SP100: variants seen among roughly 807,000 people sequenced by gnomAD.
SP100 encodes the protein SP100 nuclear body protein.
In SP100, 84 loss-of-function variants were observed where a neutral mutation model predicts 130.0. The observed-to-expected ratio is 0.65, with a 90% CI of 0.54 to 0.77. The LOEUF (loss-of-function observed/expected upper bound fraction) is 0.77. SP100 is among the 30% of genes least tolerant of loss of function. SP100 has a pLI of 0.00. For missense variants in SP100, 978 were observed against 1,052.2 expected, an observed-to-expected ratio of 0.93 and a Z score of 0.97; for synonymous variants, 331 against 351.7, an observed-to-expected ratio of 0.94 and a Z score of 0.66.
intron 8 of SP100, among the ~76,000 whole-genome samples, chr2:230,457,798 G>A (rs2064359763): frequency 6.6e-6 from 1 of 152,108 alleles, no homozygotes. Context: ...GGGATGGAGG[G>A]CTGGAGAGTC....
intron 2 of SP100, among the ~76,000 whole-genome samples, chr2:230,426,113 GT>G (rs1305090301): frequency 6.6e-6 from 1 of 152,028 alleles, no homozygotes; most frequent in Non-Finnish European, 1.5e-5. Flanking sequence ...TCATTTATAA[GT>G]TTATTTATTT....
chr2:230,449,763 G>C, intron 7 of SP100, 53 bp downstream of exon 7: 1 of 1,592,714 alleles, frequency 6.3e-7, no homozygotes, highest in Non-Finnish European at 8.6e-7. Flanking sequence ...GCCCTGGCTG[G>C]TGGCAGAGGA....
At chr2:230,419,973 A>C (rs1185672553) in intron 2 of SP100, among the ~76,000 whole-genome samples, 1 of 152,204 alleles carries the variant, frequency 6.6e-6, no homozygotes, top group Non-Finnish European at 1.5e-5. Context: ...AACCTACCTT[A>C]CTGGGATTGA....
chr2:230,434,354 G>A lies in SP100; in HGVS notation c.108-8583G>A, dbSNP rs1260323458. 4.6e-5 allele frequency among the ~76,000 whole-genome samples: 7 copies of A among 151,986 alleles called. No individual in the cohort carries two copies. The East Asian group carries it at 1.2e-3, about 25-fold the overall frequency. On this transcript the variant is annotated intron_variant, in intron 2 of 28. Coordinates refer to ENST00000340126, the MANE Select transcript of SP100 (RefSeq NM_001080391.2). ...TGAGGAGTATGTGTTATTGTTGAGG[G>A]GTTTTTGCTGGTAAAAACAATGCTT...
chr2:230,472,183 C>G (rs528990256), intron 15 of SP100, among the ~76,000 whole-genome samples: 58 of 152,216 alleles, frequency 3.8e-4, no homozygotes, highest in African/African-American at 1.4e-3. Flanking sequence ...AATCCCAGCA[C>G]TTTGGGAGGC....
chr2:230,445,898 C>G (rs2063691397), intron 4 of SP100, among the ~76,000 whole-genome samples: 1 of 152,064 alleles, frequency 6.6e-6, no homozygotes, highest in Non-Finnish European at 1.5e-5. Flanking sequence ...TGACCTGGGA[C>G]AGCACCACCC....
intron 24 of SP100, chr2:230,538,972 G>T: frequency 3.9e-6 from 1 of 254,650 alleles, no homozygotes. Context: ...TCTGGGCCAG[G>T]TTTTCCCAGC....
chr2:230,473,148 A>T, intron 15 of SP100, 176 bp from the exon 16 acceptor site: 1 of 496,948 alleles, frequency 2.0e-6, no homozygotes, highest in East Asian at 3.2e-5. Flanking sequence ...TCTCAGGGTT[A>T]TTTATGAACA....
intron 17 of SP100, among the ~76,000 whole-genome samples, chr2:230,487,403 TC>T (rs1575721656): frequency 6.6e-6 from 1 of 152,234 alleles, no homozygotes. Context: ...TAGCCAGTTT[TC>T]CCAACACCAT....
chr2:230,448,290 G>A (rs1230926397), intron 5 of SP100, among the ~76,000 whole-genome samples: 1 of 152,058 alleles, frequency 6.6e-6, no homozygotes, highest in African/African-American at 2.4e-5. Context: ...CGTGAAAAGG[G>A]GTAAAAGACA....
intron 24 of SP100, among the ~76,000 whole-genome samples, chr2:230,525,136 T>C (rs776149322): frequency 2.5e-4 from 38 of 152,302 alleles, no homozygotes; most frequent in Middle Eastern, 3.4e-3. Context: ...GGTAAATTTT[T>C]GTCCTAAAGT....
intron 23 of SP100, 61 bp from the exon 24 acceptor site, chr2:230,511,064 A>G: frequency 1.8e-6 from 2 of 1,112,478 alleles, no homozygotes; most frequent in Non-Finnish European, 2.8e-6. Flanking sequence ...GTCTGTTCAA[A>G]TGTGGGGTTA....
At chr2:230,502,992 T>G in intron 19 of SP100, 74 bp from the exon 20 acceptor site, 8 of 1,183,336 alleles carry the variant, frequency 6.8e-6, no homozygotes, top group Non-Finnish European at 9.8e-6. Context: ...AAAGTTGCAT[T>G]TGAATGGTGG....
chr2:230,526,630 A>G (rs1691441276), intron 24 of SP100, among the ~76,000 whole-genome samples: 2 of 152,234 alleles, frequency 1.3e-5, no homozygotes, highest in African/African-American at 4.8e-5. Context: ...CTAAAAGGTC[A>G]TGTTCTAACC....
At chr2:230,529,506 TG>T (rs1691596962) in intron 24 of SP100, among the ~76,000 whole-genome samples, 1 of 152,230 alleles carries the variant, frequency 6.6e-6, no homozygotes, top group African/African-American at 2.4e-5. Flanking sequence ...GCATTCCCTT[TG>T]AAAACCGGCA....
chr2:230,512,284 T>A (rs1467763696), intron 24 of SP100, among the ~76,000 whole-genome samples: 2 of 76,896 alleles, frequency 2.6e-5, no homozygotes, highest in Non-Finnish European at 5.5e-5. Context: ...GCCTTTTTTT[T>A]TTTTTTTTTT....
chr2:230,491,123 G>A lies in SP100; in HGVS notation c.1601-3293G>A, dbSNP rs1233621218. On this transcript the variant is annotated intron_variant, in intron 17 of 28. Coordinates refer to ENST00000340126, the MANE Select transcript of SP100 (RefSeq NM_001080391.2). ...TTTCAGGTACTCCAATCAGTCATAG[G>A]TTTGGTCTTTTTACAAAGTCCCATA... 3.3e-5 allele frequency among the ~76,000 whole-genome samples: 5 copies of A among 152,260 alleles called. No individual in the cohort carries two copies. The South Asian group carries it at 6.2e-4, about 19-fold the overall frequency.
At chr2:230,471,888 G>A (rs1277282302) in intron 15 of SP100, among the ~76,000 whole-genome samples, 1 of 152,120 alleles carries the variant, frequency 6.6e-6, no homozygotes, top group African/African-American at 2.4e-5. Flanking sequence ...GTGGGGGAGG[G>A]AGGGATAATT....
chr2:230,440,612 T>C, intron 2 of SP100: 1 of 1,337,158 alleles, frequency 7.5e-7, no homozygotes. Flanking sequence ...AATGTTGTTG[T>C]CATCTCCCCC....
Sources: gnomAD v4.1 joint callset for allele counts (sites outside exome capture counted in the v4.1 genomes callset) on GRCh38, gnomAD v4.1.1 for gene constraint, MANE v1.5 for transcripts, NCBI Gene and HGNC (gene_info 2026-07-23, HGNC 2026-07-21) for gene names.